The following PHLPP1 variants were observed in gnomAD, a reference collection of about 807,000 sequenced individuals.
The protein encoded by PHLPP1 is PH domain leucine-rich repeat-containing protein phosphatase 1.
In PHLPP1, 42 loss-of-function variants were observed where a neutral mutation model predicts 117.2. The observed-to-expected ratio is 0.36, with a 90% CI of 0.28 to 0.46. The LOEUF (loss-of-function observed/expected upper bound fraction) is 0.46. PHLPP1 is among the 20% of genes least tolerant of loss of function. The pLI is 1.00. For synonymous variants in PHLPP1, 1,042 were observed against 970.7 expected (o/e 1.07, Z -1.37); for missense variants, 2,084 against 2,241.9 (o/e 0.93, Z 1.42).
intron 1 of PHLPP1, among the ~76,000 whole-genome samples, chr18:62,811,358 T>A (rs1914112019): frequency 6.6e-6 from 1 of 152,184 alleles, no homozygotes; most frequent in African/African-American, 2.4e-5. Flanking sequence ...GTCCTTTAGA[T>A]ATAAAATGAC....
At chr18:62,784,263 A>G (rs528018415) in intron 1 of PHLPP1, among the ~76,000 whole-genome samples, 2 of 152,376 alleles carry the variant, frequency 1.3e-5, no homozygotes, top group South Asian at 2.1e-4. Flanking sequence ...GAAACATCCT[A>G]CAATACACAG....
In PHLPP1 at chr18:62,930,450, T is replaced by C. The variant is rs570544734; in HGVS notation, c.2960+10336T>C. ...TTCTTGTATCAGATAAAACAGACTT[T>C]AAACCAACAACAGTAAAAAAAAATT... On this transcript the variant is annotated intron_variant, in intron 10 of 16. Transcript: ENST00000262719. Among the ~76,000 whole-genome samples the C allele has an allele frequency of 1.6e-4, 20 of 122,640 alleles. No individual in the cohort carries two copies. In the South Asian group the frequency reaches 4.7e-3, roughly 29 times the overall value. 80.5% of individuals were successfully genotyped at this position (122,640 alleles called of 152,430 possible).
At chr18:62,760,700 A>T (rs1449879570) in intron 1 of PHLPP1, among the ~76,000 whole-genome samples, 3 of 152,120 alleles carry the variant, frequency 2.0e-5, no homozygotes, top group Admixed American at 6.5e-5. Context: ...GACATAATTT[A>T]ATTTTGTAGG....
intron 1 of PHLPP1, among the ~76,000 whole-genome samples, chr18:62,739,291 G>A (rs948013236): frequency 6.6e-6 from 1 of 152,220 alleles, no homozygotes; most frequent in African/African-American, 2.4e-5. Flanking sequence ...ATTCAGACAT[G>A]AAGGAGATAC....
chr18:62,796,967 T>A (rs1470535278), intron 1 of PHLPP1, among the ~76,000 whole-genome samples: 1 of 152,232 alleles, frequency 6.6e-6, no homozygotes. Flanking sequence ...CAAGCCCAGA[T>A]TGCCATTTCT....
chr18:62,844,498 C>A (rs936311424), intron 3 of PHLPP1, among the ~76,000 whole-genome samples: 4 of 151,928 alleles, frequency 2.6e-5, no homozygotes, highest in Non-Finnish European at 5.9e-5. Context: ...GTGTAGTAAC[C>A]CCCACACACC....
At chr18:62,874,633 A>G (rs1369126830) in intron 4 of PHLPP1, among the ~76,000 whole-genome samples, 2 of 151,912 alleles carry the variant, frequency 1.3e-5, no homozygotes, top group East Asian at 1.9e-4. Context: ...ACAGCATCCC[A>G]TCACAGGGCG....
At chr18:62,765,567 C>T (rs917496520) in intron 1 of PHLPP1, among the ~76,000 whole-genome samples, 29 of 152,184 alleles carry the variant, frequency 1.9e-4, no homozygotes, top group African/African-American at 6.8e-4. Context: ...TAATGGTCTT[C>T]CACTGTTTGT....
chr18:62,789,084 A>G (rs920825873), intron 1 of PHLPP1, among the ~76,000 whole-genome samples: 1 of 152,208 alleles, frequency 6.6e-6, no homozygotes, highest in Non-Finnish European at 1.5e-5. Context: ...CTTTGTGTCA[A>G]GGCAATAAAC....
At chr18:62,768,181 G>A (rs1052347240) in intron 1 of PHLPP1, among the ~76,000 whole-genome samples, 1 of 152,182 alleles carries the variant, frequency 6.6e-6, no homozygotes, top group African/African-American at 2.4e-5. Flanking sequence ...CTGCAATGTA[G>A]TAGTCAAAGA....
At chr18:62,938,994 C>CTTT (rs1555683300) in intron 10 of PHLPP1, among the ~76,000 whole-genome samples, 15 of 128,690 alleles carry the variant, frequency 1.2e-4, no homozygotes, top group African/African-American at 4.4e-4. Context: ...TTCTTTCTTT[C>CTTT]TTTTTTTTTT....
chr18:62,955,476 G>A (rs939362216), intron 12 of PHLPP1, among the ~76,000 whole-genome samples: 1 of 152,118 alleles, frequency 6.6e-6, no homozygotes, highest in Non-Finnish European at 1.5e-5. Context: ...CCCTCCGGGG[G>A]AAATGGGATG....
chr18:62,881,454 T>A (rs2144384516), intron 4 of PHLPP1, among the ~76,000 whole-genome samples: 1 of 152,368 alleles, frequency 6.6e-6, no homozygotes, highest in South Asian at 2.1e-4. Context: ...CTTAAAAAAA[T>A]TATAAAATTC....
At chr18:62,722,398 C>T (rs929752815) in intron 1 of PHLPP1, among the ~76,000 whole-genome samples, 3 of 152,084 alleles carry the variant, frequency 2.0e-5, no homozygotes, top group Admixed American at 6.6e-5. Flanking sequence ...ATCCTGAAGC[C>T]GCTCAATAGA....
chr18:62,855,070 A>G (rs956453559), intron 3 of PHLPP1, among the ~76,000 whole-genome samples: 1 of 152,176 alleles, frequency 6.6e-6, no homozygotes, highest in Non-Finnish European at 1.5e-5. Flanking sequence ...TATCTTTGAA[A>G]CAGGGGTAAG....
chr18:62,953,795 C>T (rs1910533946), intron 12 of PHLPP1, among the ~76,000 whole-genome samples: 1 of 152,160 alleles, frequency 6.6e-6, no homozygotes, highest in South Asian at 2.1e-4. Context: ...GATTGGGATC[C>T]TCATTTTTGG....
chr18:62,898,954 A>C (rs1916644708), intron 6 of PHLPP1, among the ~76,000 whole-genome samples: 1 of 151,880 alleles, frequency 6.6e-6, no homozygotes. Flanking sequence ...GCCCATCACC[A>C]TGACCGGCTA....
At chr18:62,831,432 G>C (rs1307334621) in intron 2 of PHLPP1, among the ~76,000 whole-genome samples, 1 of 151,800 alleles carries the variant, frequency 6.6e-6, no homozygotes, top group Non-Finnish European at 1.5e-5. Flanking sequence ...CTGCCTCCCG[G>C]GTTCAAGTGA....
intron 1 of PHLPP1, among the ~76,000 whole-genome samples, chr18:62,821,706 ACAT>A (rs1243815943): frequency 6.6e-6 from 1 of 151,946 alleles, no homozygotes; most frequent in Non-Finnish European, 1.5e-5. Flanking sequence ...GAAAGAGGTG[ACAT>A]CATTACAGAT....
Sources: allele counts gnomAD v4.1 joint callset (sites outside exome capture counted in the v4.1 genomes callset), GRCh38; gene constraint gnomAD v4.1.1; transcripts MANE v1.5; gene names NCBI Gene and HGNC (gene_info 2026-07-23, HGNC 2026-07-21).